The following SERHL2 variants were observed in gnomAD, a reference collection of about 807,000 sequenced individuals.
SERHL2 encodes serine hydrolase-like protein 2.
In SERHL2, 29 loss-of-function variants were observed where a neutral mutation model predicts 25.5. The observed-to-expected ratio is 1.14, with a 90% confidence interval of 0.85 to 1.55. The LOEUF (loss-of-function observed/expected upper bound fraction) is 1.55, where lower values mean the gene tolerates loss of function less well. Ranked by LOEUF, SERHL2 falls within the 40% of genes most tolerant of loss-of-function variation. The probability of loss-of-function intolerance (pLI) is 0.00; values close to 1 mark genes in which losing one functional copy is unlikely to be tolerated. For missense variants in SERHL2, 240 were observed against 252.3 expected, an observed-to-expected ratio of 0.95 and a Z score of 0.33; for synonymous variants, 95 against 103.5, an observed-to-expected ratio of 0.92 and a Z score of 0.50.
intron 7 of SERHL2, among the ~76,000 whole-genome samples, chr22:42,559,808 T>C (rs919493344): frequency 6.8e-6 from 1 of 147,754 alleles, no homozygotes; most frequent in Non-Finnish European, 1.5e-5. Context: ...CATTTTTTTG[T>C]TGTTGTTGTG....
chr22:42,571,632 G>A lies in SERHL2; in HGVS notation c.731+429G>A, dbSNP rs1010867289. 8.7e-5 allele frequency: 21 copies of A among 240,276 alleles called. 1 individual carries two copies. Among genetic ancestry groups the A allele is most frequent in the African/African-American group, 3.5e-4 (15 of 43,340 alleles). The allele number at this position is 240,276 out of a possible 1,614,324, so 14.9% of individuals were successfully genotyped here. Reference sequence around the variant, plus strand: ...GTAGAGACGAGGTTTCGCCATGTTGGCCAGGCTGCTCTCCATCTCCTGACC... The same window carrying A: ...GTAGAGACGAGGTTTCGCCATGTTGACCAGGCTGCTCTCCATCTCCTGACC... On this transcript the variant is annotated intron_variant, in intron 10 of 11. Coordinates refer to ENST00000327678, the MANE Select transcript of SERHL2 (RefSeq NM_014509.5).
intron 8 of SERHL2, among the ~76,000 whole-genome samples, chr22:42,565,774 G>A (rs973581054): frequency 2.2e-4 from 34 of 151,946 alleles, no homozygotes; most frequent in Admixed American, 3.9e-4. Context: ...ATTTTTCCAC[G>A]TGAACTTGAG....
At chr22:42,554,896 GTGAATGAA>G (rs748542685) in intron 1 of SERHL2, 34 bp from the exon 2 acceptor site, 1 of 1,474,008 alleles carries the variant, frequency 6.8e-7, no homozygotes, top group African/African-American at 1.4e-5. Flanking sequence ...AGCTTCATGG[GTGAATGAA>G]TGAAGGAATG....
intron 9 of SERHL2, among the ~76,000 whole-genome samples, chr22:42,568,193 T>G (rs908131653): frequency 9.1e-5 from 8 of 87,626 alleles, no homozygotes; most frequent in African/African-American, 3.9e-4. Context: ...CCAGCTAAAT[T>G]TTTTACTTTT....
At chr22:42,572,919 C>T (rs1463856660) in intron 11 of SERHL2, 1 of 171,216 alleles carries the variant, frequency 5.8e-6, no homozygotes, top group Admixed American at 6.5e-5. Context: ...ATCCGCCCAC[C>T]TTGGCCTCCC....
At chr22:42,566,455 G>C (rs976690276) in intron 9 of SERHL2, 117 bp downstream of exon 9, 29 of 970,536 alleles carry the variant, frequency 3.0e-5, no homozygotes, top group East Asian at 5.0e-5. Context: ...CTACTCAGGA[G>C]GCTGAGGCAG....
chr22:42,572,659 T>A (rs1569285930), intron 11 of SERHL2, 130 bp downstream of exon 11: 1 of 1,436,884 alleles, frequency 7.0e-7, no homozygotes, highest in Admixed American at 2.6e-5. Context: ...CACCAGGATC[T>A]ATCAGGCCTC....
rs531981659 is a variant in SERHL2 at position 42,563,021 on chromosome 22, C to A, written c.613+2756C>A. ...CCAGCCTGGGCAATATAGGGAGACA[C>A]CCCCATCTCTACAAAAAATTCAAAA... On this transcript the variant is annotated intron_variant, in intron 8 of 11. Transcript: ENST00000327678. Among the ~76,000 whole-genome samples the A allele has an allele frequency of 6.7e-4, 101 of 151,798 alleles. 1 individual carries two copies. Among genetic ancestry groups the A allele is most frequent in the African/African-American group, 2.2e-3 (92 of 41,452 alleles).
intron 8 of SERHL2, among the ~76,000 whole-genome samples, chr22:42,564,112 GCTTCTGGAATT>G (rs1448384066): frequency 6.6e-6 from 1 of 151,628 alleles, no homozygotes; most frequent in Non-Finnish European, 1.5e-5. Flanking sequence ...CTTTTGTATG[GCTTCTGGAATT>G]TGAGTCATAG....
In SERHL2 at chr22:42,560,842, C is replaced by T. The variant is rs1287714257; in HGVS notation, c.613+577C>T. On this transcript the variant is annotated intron_variant, in intron 8 of 11. Coordinates refer to ENST00000327678, the MANE Select transcript of SERHL2 (RefSeq NM_014509.5). ...CCTCCACCTCCCGGGCTCCAGAGAT[C>T]GTCCCACCTCAGCCTCCTGAGTAGC... Among the ~76,000 whole-genome samples the T allele has an allele frequency of 3.9e-5, 6 of 151,942 alleles. No individual in the cohort carries two copies. The South Asian group carries it at 8.3e-4, about 21-fold the overall frequency.
chr22:42,563,190 CTTTTT>C (rs754138896), intron 8 of SERHL2, among the ~76,000 whole-genome samples: 1 of 97,984 alleles, frequency 1.0e-5, no homozygotes, highest in Non-Finnish European at 1.8e-5. Context: ...TTCTTTTTTT[CTTTTT>C]TTTTTTTTTT....
At chr22:42,561,889 G>A (rs371653465) in intron 8 of SERHL2, among the ~76,000 whole-genome samples, 5 of 151,794 alleles carry the variant, frequency 3.3e-5, no homozygotes, top group South Asian at 4.1e-4. Flanking sequence ...CATGCCTCAC[G>A]GATGGCTGAC....
intron 11 of SERHL2, chr22:42,572,796 C>G: frequency 2.4e-6 from 2 of 847,066 alleles, no homozygotes; most frequent in Non-Finnish European, 2.8e-6. Context: ...TCCTGAGTAG[C>G]TGGGATTACA....
rs1337832279 is a variant in SERHL2 at position 42,570,977 on chromosome 22, T to C, written c.649-144T>C. 9 of 1,066,014 alleles carry C rather than the reference T, an allele frequency of 8.4e-6. No homozygotes were observed. The East Asian group carries it at 2.1e-4, about 25-fold the overall frequency. The allele number at this position is 1,066,014 out of a possible 1,614,324, so 66.0% of individuals were successfully genotyped here. On this transcript the variant is annotated intron_variant, in intron 9 of 11. Transcript: ENST00000327678. ...GGCTAAAGAGCCTTCGATGAGGCAG[T>C]GATGTGGGGTCCTGGGCTCAGACCC...
chr22:42,572,638 C>A, intron 11 of SERHL2, 109 bp downstream of exon 11: 1 of 1,473,166 alleles, frequency 6.8e-7, no homozygotes, highest in Non-Finnish European at 9.0e-7. Context: ...CCCCCAGGCC[C>A]AACAAGTGAC....
intron 9 of SERHL2, among the ~76,000 whole-genome samples, chr22:42,568,891 G>A (rs544459672): frequency 1.1e-4 from 17 of 151,612 alleles, no homozygotes; most frequent in South Asian, 2.1e-4. Context: ...GCTTTAACTC[G>A]GGAGGCGGAG....
In SERHL2 at chr22:42,554,126, G is replaced by C. The variant is rs552930574; in HGVS notation, c.22+84G>C. On this transcript the variant is annotated intron_variant, in intron 1 of 11. Coordinates refer to ENST00000327678, the MANE Select transcript of SERHL2 (RefSeq NM_014509.5). ...AGAAGAGGGCGGGATGGAGTGGAGG[G>C]TTCGCCGACCGCGTCGCCCTCCTGG... is the stretch of plus-strand genomic sequence containing the variant. 94 of 1,511,686 alleles carry C rather than the reference G, an allele frequency of 6.2e-5. 1 individual carries two copies. In the African/African-American group the frequency reaches 1.2e-3, roughly 20 times the overall value. 93.6% of individuals were successfully genotyped at this position (1,511,686 alleles called of 1,614,324 possible).
intron 8 of SERHL2, among the ~76,000 whole-genome samples, chr22:42,565,743 C>A (rs1283895702): frequency 6.6e-6 from 1 of 151,906 alleles, no homozygotes; most frequent in African/African-American, 2.4e-5. Flanking sequence ...TGCCTGACCT[C>A]CTGCTATTCT....
chr22:42,570,173 G>C (rs1173143529), intron 9 of SERHL2, among the ~76,000 whole-genome samples: 1 of 151,984 alleles, frequency 6.6e-6, no homozygotes, highest in Non-Finnish European at 1.5e-5. Flanking sequence ...TGTAATCCCA[G>C]AACTTTGGGA....
Sources: allele counts gnomAD v4.1 joint callset (sites outside exome capture counted in the v4.1 genomes callset), GRCh38; gene constraint gnomAD v4.1.1; transcripts MANE v1.5; gene names NCBI Gene and HGNC (gene_info 2026-07-23, HGNC 2026-07-21).